The following RYR2 variants were observed in gnomAD, a reference collection of about 807,000 sequenced individuals.
RYR2 encodes ryanodine receptor 2, also known as cardiac muscle ryanodine receptor-calcium release channel.
Under a neutral mutation model 601.1 loss-of-function variants are expected in RYR2, and 227 were observed. The observed-to-expected ratio is 0.38, with a 90% CI of 0.34 to 0.42. The LOEUF (loss-of-function observed/expected upper bound fraction) is 0.42, where lower values mean the gene tolerates loss of function less well. RYR2 is among the 10% of genes least tolerant of loss of function. RYR2 has a pLI of 1.00. For synonymous variants in RYR2, 2,223 were observed against 2,175.1 expected (o/e 1.02, Z -0.61); for missense variants, 4,646 against 6,156.5 (o/e 0.75, Z 8.21).
At chr1:237,759,034 G>A (rs762822763) in intron 82 of RYR2, among the ~76,000 whole-genome samples, 5 of 152,070 alleles carry the variant, frequency 3.3e-5, no homozygotes, top group Admixed American at 6.6e-5. Flanking sequence ...CTGAATTTCC[G>A]TCTATAGCAT....
At chr1:237,463,281 C>T (rs1013884859) in intron 16 of RYR2, among the ~76,000 whole-genome samples, 4 of 152,114 alleles carry the variant, frequency 2.6e-5, no homozygotes, top group African/African-American at 9.7e-5. Flanking sequence ...CTCTGTACCT[C>T]CAGCACCTAG....
intron 2 of RYR2, among the ~76,000 whole-genome samples, chr1:237,271,410 T>G (rs1004466): frequency 0.15 from 22,831 of 152,200 alleles, 1,994 homozygotes; most frequent in Non-Finnish European, 0.19. Context: ...ATTCTGTTGA[T>G]ATGTTTTGAT....
intron 8 of RYR2, among the ~76,000 whole-genome samples, chr1:237,381,425 ATAAG>A (rs1701511999): frequency 6.6e-6 from 1 of 152,210 alleles, no homozygotes; most frequent in South Asian, 2.1e-4. Flanking sequence ...GTTGTTAAAA[ATAAG>A]TAAGTTTAAC....
intron 50 of RYR2, among the ~76,000 whole-genome samples, chr1:237,651,003 C>T (rs938752482): frequency 3.3e-5 from 5 of 152,182 alleles, no homozygotes; most frequent in Non-Finnish European, 7.4e-5. Context: ...TTTGCTGTCT[C>T]AGCCTTTTTT....
chr1:237,557,402 C>T (rs986378285), intron 27 of RYR2, among the ~76,000 whole-genome samples: 6 of 152,082 alleles, frequency 3.9e-5, no homozygotes, highest in Non-Finnish European at 5.9e-5. Context: ...CTAAGTCAAT[C>T]GGGTTCATGC....
intron 24 of RYR2, among the ~76,000 whole-genome samples, chr1:237,521,707 G>A (rs2618692): frequency 0.43 from 65,206 of 151,374 alleles, 14,321 homozygotes; most frequent in East Asian, 0.58. Flanking sequence ...GTGACAGAGC[G>A]AGACTCCATC....
At chr1:237,196,468 T>G (rs1680582660) in intron 1 of RYR2, among the ~76,000 whole-genome samples, 1 of 152,182 alleles carries the variant, frequency 6.6e-6, no homozygotes, top group Non-Finnish European at 1.5e-5. Flanking sequence ...ATTTTCTAGG[T>G]TTTACTTTTC....
intron 17 of RYR2, among the ~76,000 whole-genome samples, chr1:237,486,043 C>T (rs755384973): frequency 5.9e-5 from 9 of 151,990 alleles, no homozygotes; most frequent in Non-Finnish European, 8.8e-5. Context: ...TAAATTTGGA[C>T]ACAGGATTAA....
In RYR2 at chr1:237,530,347, T is replaced by C. The variant is rs559909757; in HGVS notation, c.2823-80T>C. ...AAAATTGTGCTTTCAAGGTTGTATC[T>C]CATTGCTACTGCTGCTGTCTTGGGT... is the stretch of plus-strand genomic sequence containing the variant. On this transcript the variant is annotated intron_variant, in intron 24 of 104. Coordinates refer to ENST00000366574, the MANE Select transcript of RYR2 (RefSeq NM_001035.3). The C allele has an allele frequency of 1.4e-5, 14 of 1,017,336 alleles. No homozygotes were observed. In the East Asian group the frequency reaches 3.4e-4, roughly 25 times the overall value. The allele number at this position is 1,017,336 out of a possible 1,614,324, so 63.0% of individuals were successfully genotyped here. A position where few individuals can be genotyped will look rare whatever the true frequency, so the allele number is the denominator to read the frequency against.
chr1:237,072,647 G>T (rs926659107), intron 1 of RYR2, among the ~76,000 whole-genome samples: 2 of 152,130 alleles, frequency 1.3e-5, no homozygotes, highest in African/African-American at 2.4e-5. Flanking sequence ...TTTAGTGTTT[G>T]CCAGAGCATT....
intron 11 of RYR2, among the ~76,000 whole-genome samples, chr1:237,417,876 A>G (rs1705169015): frequency 6.6e-6 from 1 of 152,000 alleles, no homozygotes; most frequent in Non-Finnish European, 1.5e-5. Context: ...AAAGCAGTAA[A>G]TTTTCAATGT....
At chr1:237,130,449 C>T (rs1359633076) in intron 1 of RYR2, among the ~76,000 whole-genome samples, 1 of 152,110 alleles carries the variant, frequency 6.6e-6, no homozygotes, top group African/African-American at 2.4e-5. Context: ...CACGGTGATT[C>T]ACACCTGTAA....
intron 1 of RYR2, among the ~76,000 whole-genome samples, chr1:237,211,353 A>C (rs1262024760): frequency 6.6e-6 from 1 of 152,214 alleles, no homozygotes; most frequent in African/African-American, 2.4e-5. Context: ...TAAGATGTGT[A>C]GGCATTTGTT....
chr1:237,119,410 ATG>A lies in RYR2; in HGVS notation c.48+76852_48+76853del, dbSNP rs371385636. On this transcript the variant is annotated intron_variant, in intron 1 of 104. Coordinates refer to ENST00000366574, the MANE Select transcript of RYR2 (RefSeq NM_001035.3). Reference sequence around the variant, plus strand: ...CTGCTACAGTAATTGGGAAAACTGCATGTGTGTGTGTGCATGTGTGTGCGTGT... The same window carrying A: ...CTGCTACAGTAATTGGGAAAACTGCATGTGTGTGTGCATGTGTGTGCGTGT... 1.2e-4 allele frequency among the ~76,000 whole-genome samples: 19 copies of A among 152,056 alleles called. No homozygotes were observed. In the East Asian group the frequency reaches 2.9e-3, roughly 23 times the overall value.
rs193922626 is a variant in RYR2 at position 237,590,901 on chromosome 1, G to C, written c.4069G>C (p.Asp1357His). Residue 1357 changes from aspartate (D) to histidine (H), a missense_variant, in exon 31 of 105, where the codon GAT (aspartate) becomes CAT (histidine). By Grantham distance (81) the Asp-to-His change is moderately conservative. Coordinates refer to ENST00000366574, the MANE Select transcript of RYR2 (RefSeq NM_001035.3). ...MKTAHGHLVPDRVDKDKEATK... is the reference protein window; with the variant it reads ...MKTAHGHLVPHRVDKDKEATK... ...GACAGCTCATGGCCATCTAGTGCCC[G>C]ATCGTGTTGACAAAGACAAAGAAGC... 178 of 1,613,684 alleles carry C rather than the reference G, an allele frequency of 1.1e-4. 1 individual carries two copies. Among genetic ancestry groups the C allele is most frequent in the Non-Finnish European group, 1.5e-4 (172 of 1,179,866 alleles).
chr1:237,577,866 G>T (rs575063484), intron 29 of RYR2, among the ~76,000 whole-genome samples: 1 of 152,168 alleles, frequency 6.6e-6, no homozygotes, highest in African/African-American at 2.4e-5. Context: ...GCAGTGGCAC[G>T]ATCTCAGCTC....
intron 21 of RYR2, among the ~76,000 whole-genome samples, chr1:237,501,249 A>G (rs1030403750): frequency 4.1e-5 from 6 of 147,814 alleles, no homozygotes; most frequent in Non-Finnish European, 5.9e-5. Context: ...TTATTTTCTT[A>G]TATTTTCATT....
rs1222494774 is a variant in RYR2 at position 237,627,907 on chromosome 1, T to C, written c.6267T>C (p.His2089=). The C allele has an allele frequency of 1.2e-6, 2 of 1,613,772 alleles. No individual in the cohort carries two copies. Among genetic ancestry groups the C allele is most frequent in the African/African-American group, 1.3e-5 (1 of 74,898 alleles). The change falls in exon 41 of 105, where the codon CAT becomes CAC. Residue 2089 remains histidine, a synonymous_variant. Transcript: ENST00000366574. ...ELVRAMFVLL[H]RQYDGIGGLV... is the part of the protein sequence containing the mutation. Reference sequence around the variant, plus strand: ...TGAGGGCCATGTTTGTGTTGCTCCATCGGCAGTATGACGGCATTGGGGGTC... The same window carrying C: ...TGAGGGCCATGTTTGTGTTGCTCCACCGGCAGTATGACGGCATTGGGGGTC...
intron 1 of RYR2, among the ~76,000 whole-genome samples, chr1:237,250,537 G>A (rs1362842): frequency 0.044 from 6,676 of 152,158 alleles, 165 homozygotes; most frequent in African/African-American, 0.054. Context: ...AGTGTGTCCT[G>A]GCAGTCCTCC....
Sources: allele counts gnomAD v4.1 joint callset (sites outside exome capture counted in the v4.1 genomes callset), GRCh38; gene constraint gnomAD v4.1.1; transcripts MANE v1.5; gene names NCBI Gene and HGNC (gene_info 2026-07-23, HGNC 2026-07-21).